The following CTTNBP2 variants were observed in gnomAD, a reference collection of about 807,000 sequenced individuals.
CTTNBP2 encodes the protein cortactin-binding protein 2.
CTTNBP2 carries 108 observed loss-of-function variants against 156.9 expected under a neutral mutation model. The observed-to-expected ratio is 0.69, with a 90% CI of 0.59 to 0.81. The LOEUF (loss-of-function observed/expected upper bound fraction) is 0.81, where lower values mean the gene tolerates loss of function less well. Among genes scored for constraint, CTTNBP2 ranks in the 30% least tolerant of loss-of-function variants. The probability of loss-of-function intolerance (pLI) is 0.00; values close to 1 mark genes in which losing one functional copy is unlikely to be tolerated. For missense variants in CTTNBP2, 1,924 were observed against 2,035.4 expected, an observed-to-expected ratio of 0.95 and a Z score of 1.05; for synonymous variants, 767 against 751.8, an observed-to-expected ratio of 1.02 and a Z score of -0.33.
intron 1 of CTTNBP2, among the ~76,000 whole-genome samples, chr7:117,872,843 C>T (rs1469301602): frequency 6.6e-6 from 1 of 152,172 alleles, no homozygotes; most frequent in Non-Finnish European, 1.5e-5. Flanking sequence ...CAATGGGCAT[C>T]CCCACACCTG....
At chr7:117,826,599 CTT>C (rs930610915) in intron 2 of CTTNBP2, among the ~76,000 whole-genome samples, 2 of 151,972 alleles carry the variant, frequency 1.3e-5, no homozygotes, top group Admixed American at 6.6e-5. Flanking sequence ...AAATCATATC[CTT>C]TGTTTTCTCA....
chr7:117,782,193 C>T (rs1475201313), intron 6 of CTTNBP2, among the ~76,000 whole-genome samples: 1 of 152,120 alleles, frequency 6.6e-6, no homozygotes, highest in African/African-American at 2.4e-5. Flanking sequence ...GCCATTTCAG[C>T]ACAGGCAGAG....
At position 117,747,494 on chromosome 7, in the gene CTTNBP2, C is replaced by T. The variant is rs142684676; in HGVS notation, c.3349-1395G>A. Reference sequence around the variant, plus strand: ...GGCCTTTAAGACTTGAGCTTTGGGCCGCACGTGGTGGCTCACGCCTTTAAT... The same window carrying T: ...GGCCTTTAAGACTTGAGCTTTGGGCTGCACGTGGTGGCTCACGCCTTTAAT... On this transcript the variant is annotated intron_variant, in intron 12 of 22. Transcript: ENST00000160373. Among the ~76,000 whole-genome samples the T allele has an allele frequency of 4.1e-3, 625 of 152,262 alleles. 2 individuals carry two copies. Among genetic ancestry groups the T allele is most frequent in the Non-Finnish European group, 5.5e-3 (371 of 68,010 alleles).
chr7:117,843,180 T>C lies in CTTNBP2; in HGVS notation c.189+18029A>G, dbSNP rs572036489. Among the ~76,000 whole-genome samples, 5 of 152,340 alleles carry C rather than the reference T, an allele frequency of 3.3e-5. 1 individual carries two copies. The South Asian group carries it at 8.3e-4, about 25-fold the overall frequency. ...TAAATATTATAGAGAAAATTTAAAG[T>C]ATATGGGAGGATATGTGTAGGCTGC... On this transcript the variant is annotated intron_variant, in intron 2 of 22. Coordinates refer to ENST00000160373, the MANE Select transcript of CTTNBP2 (RefSeq NM_033427.3).
Position 117,811,353 on chromosome 7 carries a change from T to C in CTTNBP2, c.190-364A>G, listed in dbSNP as rs1460408108. On this transcript the variant is annotated intron_variant, in intron 2 of 22. Transcript: ENST00000160373. ...TCTTGCTCTGTCATCCAGGCTGGAA[T>C]GCAGTGGCACAATCACAGCTCACTG... Among the ~76,000 whole-genome samples the C allele has an allele frequency of 2.0e-5, 3 of 152,028 alleles. No homozygotes were observed. In the East Asian group the frequency reaches 5.8e-4, roughly 29 times the overall value.
Position 117,817,361 on chromosome 7 carries a change from A to ATAAATATATATATATATATAT in CTTNBP2, c.190-6373_190-6372insATATATATATATATATATTTA, listed in dbSNP as rs1298639361. ...AAAAAAAAAAAAAAAAAAAAAAAAA[A>ATAAATATATATATATATATAT]ATATATATATATATATATATATATA... On this transcript the variant is annotated intron_variant, in intron 2 of 22. Transcript: ENST00000160373. Among the ~76,000 whole-genome samples the ATAAATATATATATATATATAT allele has an allele frequency of 2.8e-3, 151 of 53,278 alleles. 5 individuals carry two copies. Among genetic ancestry groups the ATAAATATATATATATATATAT allele is most frequent in the Middle Eastern group, 0.033 (2 of 60 alleles). 35.0% of individuals were successfully genotyped at this position (53,278 alleles called of 152,430 possible).
chr7:117,854,777 TTA>T (rs1803169181), intron 2 of CTTNBP2, among the ~76,000 whole-genome samples: 14 of 137,872 alleles, frequency 1.0e-4, no homozygotes, highest in African/African-American at 2.0e-4. Flanking sequence ...ATTTAATTAA[TTA>T]ATTAATTTAT....
In CTTNBP2 at chr7:117,777,596, T is replaced by G. The variant is rs200523203; in HGVS notation, c.2693A>C (p.Lys898Thr). The G allele has an allele frequency of 7.9e-5, 128 of 1,613,906 alleles. 1 individual carries two copies. Among genetic ancestry groups the G allele is most frequent in the Non-Finnish European group, 1.5e-5 (18 of 1,179,958 alleles). The change falls in exon 8 of 23, where the codon AAG (lysine) becomes ACG (threonine). Residue 898 changes from lysine to threonine, a missense_variant. Coordinates refer to ENST00000160373, the MANE Select transcript of CTTNBP2 (RefSeq NM_033427.3). The stretch of plus-strand genomic sequence containing the variant: ...AATGAGGTCTGCAGGAACAACAGGC[T>G]TGGATATGCCTTCAGGACTCTCTTC... ...GGEESPEGIS[K>T]PVVPADLINH...
At chr7:117,846,022 T>G (rs1276067881) in intron 2 of CTTNBP2, among the ~76,000 whole-genome samples, 1 of 145,092 alleles carries the variant, frequency 6.9e-6, no homozygotes, top group African/African-American at 2.5e-5. Context: ...GGCTAATTTT[T>G]TTGTATTTTT....
At position 117,711,519 on chromosome 7, in the gene CTTNBP2, A is replaced by G; in HGVS notation, c.*18T>C. 6.3e-7 allele frequency: 1 copy of G among 1,596,708 alleles called. No individual in the cohort carries two copies. Among genetic ancestry groups the G allele is most frequent in the Non-Finnish European group, 8.5e-7 (1 of 1,172,994 alleles). On this transcript the variant is annotated 3_prime_UTR_variant, in exon 23 of 23. Transcript: ENST00000160373. ...TGTGAAATAGAGGAAGTTAATAATG[A>G]GAATATTGTAGGCAGGCCTATTTGT...
At chr7:117,817,349 A>G (rs12381347) in intron 2 of CTTNBP2, among the ~76,000 whole-genome samples, 1 of 74,030 alleles carries the variant, frequency 1.4e-5, no homozygotes, top group African/African-American at 5.3e-5. Context: ...AAAAAAAAAA[A>G]AAAAAAAAAA....
chr7:117,822,974 T>C (rs891222821), intron 2 of CTTNBP2, among the ~76,000 whole-genome samples: 1 of 152,226 alleles, frequency 6.6e-6, no homozygotes, highest in Non-Finnish European at 1.5e-5. Context: ...TGTTTTTAAT[T>C]GTCAATGTTT....
chr7:117,757,435 T>G (rs58660901), intron 11 of CTTNBP2, among the ~76,000 whole-genome samples: 1,984 of 149,800 alleles, frequency 0.013, 43 homozygotes, highest in African/African-American at 0.045. Flanking sequence ...ACTTATAGTA[T>G]GCTATAAACA....
intron 8 of CTTNBP2, among the ~76,000 whole-genome samples, chr7:117,771,433 C>A (rs536330486): frequency 1.3e-5 from 2 of 152,262 alleles, no homozygotes; most frequent in East Asian, 3.9e-4. Context: ...TGGGAAATAA[C>A]GACATGAGCA....
chr7:117,734,051 C>A (rs1316227462), intron 16 of CTTNBP2, among the ~76,000 whole-genome samples: 1 of 152,222 alleles, frequency 6.6e-6, no homozygotes, highest in East Asian at 1.9e-4. Context: ...CATGTTTTCA[C>A]AAGGGCACAG....
Position 117,715,450 on chromosome 7 carries a change from C to CAGACTAGAGTCCAGGCCCTGAAGT in CTTNBP2, c.4746+2544_4746+2567dup, listed in dbSNP as rs1414228507. On this transcript the variant is annotated intron_variant, in intron 22 of 22. Coordinates refer to ENST00000160373, the MANE Select transcript of CTTNBP2 (RefSeq NM_033427.3). ...AAAACCCATTGTCCAGGCTTCCCCT[C>CAGACTAGAGTCCAGGCCCTGAAGT]AGACTAGAGTCCAGGCCCTGAAGTT... Among the ~76,000 whole-genome samples, 25 of 137,032 alleles carry CAGACTAGAGTCCAGGCCCTGAAGT rather than the reference C, an allele frequency of 1.8e-4. 1 individual carries two copies. The highest frequency in any genetic ancestry group is 3.8e-4 in the Non-Finnish European group (25 of 66,618). The allele number at this position is 137,032 out of a possible 152,430, so 89.9% of individuals were successfully genotyped here.
intron 2 of CTTNBP2, among the ~76,000 whole-genome samples, chr7:117,827,799 A>G (rs1286848844): frequency 6.6e-6 from 1 of 152,244 alleles, no homozygotes; most frequent in African/African-American, 2.4e-5. Context: ...AATACAACAG[A>G]TAATTTCTGT....
At chr7:117,799,606 C>T (rs1799506925) in intron 3 of CTTNBP2, among the ~76,000 whole-genome samples, 1 of 152,030 alleles carries the variant, frequency 6.6e-6, no homozygotes, top group Non-Finnish European at 1.5e-5. Flanking sequence ...AGTCTACTTT[C>T]ACTACTTCTG....
At chr7:117,736,252 C>T (rs1427773662) in intron 14 of CTTNBP2, among the ~76,000 whole-genome samples, 2 of 151,958 alleles carry the variant, frequency 1.3e-5, no homozygotes, top group Non-Finnish European at 2.9e-5. Flanking sequence ...CCCAGGAGTT[C>T]GAGGCCAGCC....
Sources: gnomAD v4.1 joint callset for allele counts (sites outside exome capture counted in the v4.1 genomes callset) on GRCh38, gnomAD v4.1.1 for gene constraint, MANE v1.5 for transcripts, NCBI Gene and HGNC (gene_info 2026-07-23, HGNC 2026-07-21) for gene names.